Variants in ERBB4 observed in about 807,000 individuals in gnomAD.
The protein encoded by ERBB4 is receptor tyrosine-protein kinase erbB-4.
A neutral mutation model predicts 158.0 loss-of-function variants in ERBB4; 42 were observed. The observed-to-expected ratio is 0.27, with a 90% CI of 0.21 to 0.34. ERBB4 has a LOEUF of 0.34. Among genes scored for constraint, ERBB4 ranks in the 10% least tolerant of loss-of-function variants. ERBB4 has a pLI of 1.00. For missense variants in ERBB4, 1,333 were observed against 1,624.1 expected (o/e 0.82, Z 3.08); for synonymous variants, 583 against 558.7 (o/e 1.04, Z -0.61).
At chr2:211,679,217 C>G (rs2105960519) in intron 12 of ERBB4, 33 bp from the exon 13 acceptor site, 4 of 1,611,266 alleles carry the variant, frequency 2.5e-6, no homozygotes, top group South Asian at 1.1e-5. Context: ...GGAAATAAAA[C>G]AGAGGATTGT....
At chr2:211,472,946 T>G (rs917520897) in intron 20 of ERBB4, among the ~76,000 whole-genome samples, 1 of 151,472 alleles carries the variant, frequency 6.6e-6, no homozygotes, top group Non-Finnish European at 1.5e-5. Context: ...TATTATTATT[T>G]TGACTGTAGG....
chr2:212,127,664 A>C (rs1191895867), intron 1 of ERBB4, among the ~76,000 whole-genome samples: 1 of 152,186 alleles, frequency 6.6e-6, no homozygotes, highest in Admixed American at 6.5e-5. Flanking sequence ...TTTACGTGCA[A>C]CCCAAGACAA....
At chr2:211,698,099 C>G (rs2073091042) in intron 12 of ERBB4, among the ~76,000 whole-genome samples, 2 of 151,946 alleles carry the variant, frequency 1.3e-5, no homozygotes, top group South Asian at 4.1e-4. Context: ...GGCGGATCAC[C>G]TGAGATCAGG....
At chr2:211,712,208 G>A (rs766358924) in intron 8 of ERBB4, 32 bp from the exon 9 acceptor site, 1 of 1,611,712 alleles carries the variant, frequency 6.2e-7, no homozygotes, top group East Asian at 2.2e-5. Context: ...TTAGGGGATT[G>A]AGAAACTTAT....
chr2:212,464,959 G>C (rs1212161212), intron 1 of ERBB4, among the ~76,000 whole-genome samples: 2 of 150,362 alleles, frequency 1.3e-5, no homozygotes, highest in Admixed American at 1.3e-4. Context: ...CAAATTGACA[G>C]TCAAAGACAA....
chr2:211,718,895 A>C (rs2074007775), intron 7 of ERBB4, among the ~76,000 whole-genome samples: 1 of 152,218 alleles, frequency 6.6e-6, no homozygotes, highest in African/African-American at 2.4e-5. Context: ...TTTTGATTAA[A>C]AGGTTACGAT....
At chr2:212,228,653 A>AT (rs905233196) in intron 1 of ERBB4, among the ~76,000 whole-genome samples, 1 of 151,934 alleles carries the variant, frequency 6.6e-6, no homozygotes, top group African/African-American at 2.4e-5. Flanking sequence ...AGATAAAAAA[A>AT]ATATATAAAC....
At chr2:212,300,345 T>C (rs932593852) in intron 1 of ERBB4, among the ~76,000 whole-genome samples, 11 of 151,586 alleles carry the variant, frequency 7.3e-5, no homozygotes, top group African/African-American at 2.2e-4. Flanking sequence ...ACACTGTCAA[T>C]TACATAAAAC....
intron 1 of ERBB4, among the ~76,000 whole-genome samples, chr2:212,325,871 A>G (rs1427492801): frequency 6.6e-6 from 1 of 150,620 alleles, no homozygotes; most frequent in South Asian, 2.1e-4. Context: ...CATTTTTTCC[A>G]TATTATTTTC....
intron 1 of ERBB4, among the ~76,000 whole-genome samples, chr2:212,306,422 A>C (rs1376642027): frequency 6.6e-6 from 1 of 151,434 alleles, no homozygotes; most frequent in African/African-American, 2.4e-5. Flanking sequence ...GCTTTGCTAG[A>C]ACAGTCAGCC....
At chr2:211,971,072 G>A (rs527524233) in intron 2 of ERBB4, among the ~76,000 whole-genome samples, 5 of 152,176 alleles carry the variant, frequency 3.3e-5, no homozygotes, top group African/African-American at 1.2e-4. Context: ...CAGGTCTGGT[G>A]GTAACAAATT....
chr2:211,522,438 G>T (rs1356268225), intron 20 of ERBB4, among the ~76,000 whole-genome samples: 1 of 152,168 alleles, frequency 6.6e-6, no homozygotes. Flanking sequence ...TCTTATGGAT[G>T]AGCAAATAAA....
intron 1 of ERBB4, among the ~76,000 whole-genome samples, chr2:212,199,568 T>C (rs2082531441): frequency 6.6e-6 from 1 of 152,140 alleles, no homozygotes; most frequent in African/African-American, 2.4e-5. Context: ...CTTAAGCTAA[T>C]TGTCAGTATA....
intron 1 of ERBB4, among the ~76,000 whole-genome samples, chr2:212,222,091 A>G (rs888715172): frequency 6.6e-6 from 1 of 151,590 alleles, no homozygotes; most frequent in Non-Finnish European, 1.5e-5. Flanking sequence ...ATATAAAGGA[A>G]CTATATGCTA....
At chr2:211,697,206 C>A (rs931623873) in intron 12 of ERBB4, among the ~76,000 whole-genome samples, 1 of 152,150 alleles carries the variant, frequency 6.6e-6, no homozygotes, top group Non-Finnish European at 1.5e-5. Context: ...AGTCTGGCAC[C>A]TTTTAGCTGA....
chr2:211,514,438 A>G (rs1210677466), intron 20 of ERBB4, among the ~76,000 whole-genome samples: 1 of 152,122 alleles, frequency 6.6e-6, no homozygotes, highest in African/African-American at 2.4e-5. Context: ...CCAACTTTTA[A>G]TATTGAGCAC....
intron 20 of ERBB4, among the ~76,000 whole-genome samples, chr2:211,443,227 G>C (rs2064030078): frequency 6.6e-6 from 1 of 151,994 alleles, no homozygotes; most frequent in Non-Finnish European, 1.5e-5. Flanking sequence ...TAAAGGAAGA[G>C]GAAAAGGTAT....
rs71054125 is a variant in ERBB4, at chr2:211,673,517, C to CAAAAAAAAAAAAAA, written c.1623-261_1623-260insTTTTTTTTTTTTTT. ...CCTGCAAGACATATTCCAGCAATCT[C>CAAAAAAAAAAAAAA]AAAAAAAAAAAAAGCTACAAAGTAT... On this transcript the variant is annotated intron_variant, in intron 13 of 27. Coordinates refer to ENST00000342788, the MANE Select transcript of ERBB4 (RefSeq NM_005235.3). Among the ~76,000 whole-genome samples the CAAAAAAAAAAAAAA allele has an allele frequency of 3.3e-4, 18 of 54,056 alleles. 2 individuals carry two copies. Among genetic ancestry groups the CAAAAAAAAAAAAAA allele is most frequent in the Admixed American group, 5.8e-4 (3 of 5,212 alleles). The allele number at this position is 54,056 out of a possible 152,430, so 35.5% of individuals were successfully genotyped here.
intron 1 of ERBB4, among the ~76,000 whole-genome samples, chr2:212,140,875 G>T (rs1481793676): frequency 6.6e-6 from 1 of 151,102 alleles, no homozygotes; most frequent in Non-Finnish European, 1.5e-5. Flanking sequence ...GTGTGTGTGT[G>T]TGTGTGTGTG....
Sources: gnomAD v4.1 joint callset for allele counts (sites outside exome capture counted in the v4.1 genomes callset) on GRCh38, gnomAD v4.1.1 for gene constraint, MANE v1.5 for transcripts, NCBI Gene and HGNC (gene_info 2026-07-23, HGNC 2026-07-21) for gene names.